The following RNF213 variants were observed in gnomAD, a reference collection of about 807,000 sequenced individuals.
The protein encoded by RNF213 is ring finger protein 213.
RNF213 carries 341 observed loss-of-function variants against 514.4 expected under a neutral mutation model. The observed-to-expected ratio is 0.66, with a 90% CI of 0.61 to 0.73. The LOEUF (loss-of-function observed/expected upper bound fraction) is 0.73, where lower values mean the gene tolerates loss of function less well. Ranked by LOEUF, RNF213 falls within the 30% of genes least tolerant of loss-of-function variation. The probability of loss-of-function intolerance (pLI) is 0.00; values close to 1 mark genes in which losing one functional copy is unlikely to be tolerated. For synonymous variants in RNF213, 2,655 were observed against 2,658.2 expected (o/e 1.00, Z 0.04); for missense variants, 5,767 against 6,615.6 (o/e 0.87, Z 4.45).
intron 3 of RNF213, among the ~76,000 whole-genome samples, chr17:80,283,300 G>A (rs1018658935): frequency 5.3e-5 from 8 of 152,154 alleles, no homozygotes; most frequent in African/African-American, 1.7e-4. Context: ...CTGAGGGGGT[G>A]AGCCTGGGGC....
At chr17:80,323,281 T>G (rs562113850) in intron 17 of RNF213, among the ~76,000 whole-genome samples, 46 of 152,362 alleles carry the variant, frequency 3.0e-4, no homozygotes, top group Non-Finnish European at 5.6e-4. Context: ...CTGTTTGGAC[T>G]ACCATTGCTT....
At position 80,298,537 on chromosome 17, in the gene RNF213, C is replaced by T; in HGVS notation, c.2210+19C>T. 5 of 1,613,886 alleles carry T rather than the reference C, an allele frequency of 3.1e-6. No homozygotes were observed. In the South Asian group the frequency reaches 3.3e-5, roughly 11 times the overall value. ...TAGATACGTAAGTCGTAGAGTTGTG[C>T]TTATCTACATGAATCTGGGAAGACT... On this transcript the variant is annotated intron_variant, in intron 11 of 67. Coordinates refer to ENST00000582970, the MANE Select transcript of RNF213 (RefSeq NM_001256071.3).
Position 80,286,544 on chromosome 17 carries a change from G to A in RNF213, c.262-1271G>A, listed in dbSNP as rs376899584. On this transcript the variant is annotated intron_variant, in intron 3 of 67. Transcript: ENST00000582970. ...GCCACACAGGGGCCGACCGTCAGCC[G>A]AGGGGCTCCTGAAGTGGCAGTGATG... 6.6e-5 allele frequency among the ~76,000 whole-genome samples: 10 copies of A among 152,224 alleles called. No homozygotes were observed. The East Asian group carries it at 1.5e-3, about 23-fold the overall frequency.
At chr17:80,341,461 C>T (rs1431445583) in intron 26 of RNF213, 1 of 152,274 alleles carries the variant, frequency 6.6e-6, no homozygotes, top group East Asian at 1.9e-4. Flanking sequence ...CTTCCCCTCC[C>T]TGCTGAAGCC....
rs763363712 is a variant in RNF213, at chr17:80,347,963, C to T, written c.9628C>T (p.His3210Tyr). 3.7e-6 allele frequency: 6 copies of T among 1,614,058 alleles called. No homozygotes were observed. In the South Asian group the frequency reaches 6.6e-5, roughly 18 times the overall value. ...NVKAHHFQKRHKYSPSDVFIG... is the reference protein window; with the variant it reads ...NVKAHHFQKRYKYSPSDVFIG... Reference sequence around the variant, plus strand: ...CAAAGCACATCATTTCCAGAAGAGGCACAAATACAGCCCCTCTGACGTCTT... The same window carrying T: ...CAAAGCACATCATTTCCAGAAGAGGTACAAATACAGCCCCTCTGACGTCTT... Residue 3210 changes from histidine to tyrosine, a missense_variant, in exon 29 of 68, where the codon CAC (histidine) becomes TAC (tyrosine). Transcript: ENST00000582970. The surrounding 1 kb of genome is among the most constrained non-coding windows in gnomAD (Gnocchi z 7.2).
rs1568090106 is a variant in RNF213, at chr17:80,337,855, A to G, written c.4691A>G (p.His1564Arg). ...CAGATTTCCCCAGACACGGTTCTGC[A>G]CTTGATCCTTCCTGAGAGCCCTGGC... Reference protein sequence around the residue: ...GQKISPDTVLHLILPESPGSH... With the variant: ...GQKISPDTVLRLILPESPGSH... Residue 1564 changes from histidine (H) to arginine (R), a missense_variant, in exon 25 of 68, where the codon CAC becomes CGC. Physicochemically the swap from His to Arg is conservative, Grantham distance 29. Around this residue, in one of 13 missense-constraint regions of RNF213, gnomAD observed 1,377 missense variants for 1,635.2 expected, o/e 0.84. Transcript: ENST00000582970. The G allele has an allele frequency of 3.3e-6, 5 of 1,537,274 alleles. No homozygotes were observed. The East Asian group carries it at 9.8e-5, about 30-fold the overall frequency.
intron 9 of RNF213, 24 bp from the exon 10 acceptor site, chr17:80,295,533 A>G: frequency 6.2e-7 from 1 of 1,613,868 alleles, no homozygotes; most frequent in Non-Finnish European, 8.5e-7. Context: ...TGGTTCATGC[A>G]TCTTCCTCTT....
In RNF213 at chr17:80,295,756, C is replaced by T. The variant is rs1247886823; in HGVS notation, c.1955C>T (p.Ala652Val). The change falls in exon 10 of 68, where the codon GCC (alanine) becomes GTC (valine). Residue 652 changes from alanine to valine, a missense_variant. Transcript: ENST00000582970. ...DWLCHLLTSD[A>V]SSPDEFHRDL... ...TTGTGTCACCTCCTAACCTCAGATG[C>T]CAGCTCACCAGATGAGTTTCACCGT... is the stretch of plus-strand genomic sequence containing the variant. 3 of 1,614,142 alleles carry T rather than the reference C, an allele frequency of 1.9e-6. No individual in the cohort carries two copies. The highest frequency in any genetic ancestry group is 2.2e-5 in the South Asian group (2 of 91,082).
At chr17:80,338,106 A>G in intron 25 of RNF213, 109 bp downstream of exon 25, 1 of 1,334,682 alleles carries the variant, frequency 7.5e-7, no homozygotes, top group Non-Finnish European at 1.0e-6. Flanking sequence ...TTGACTGATA[A>G]GAAGGGCTCT....
At chr17:80,289,544 C>A in intron 5 of RNF213, 115 bp from the exon 6 acceptor site, 1 of 1,120,940 alleles carries the variant, frequency 8.9e-7, no homozygotes, top group Non-Finnish European at 1.3e-6. Flanking sequence ...GAGCTGAGAT[C>A]GCAGTACTGC....
At chr17:80,352,334 C>T (rs765767649) in intron 32 of RNF213, 63 of 235,826 alleles carry the variant, frequency 2.7e-4, no homozygotes, top group Non-Finnish European at 4.2e-4. Flanking sequence ...TGCACCTCTC[C>T]TGGACTGACT....
intron 11 of RNF213, among the ~76,000 whole-genome samples, chr17:80,300,267 T>A (rs2045127557): frequency 6.6e-6 from 1 of 151,944 alleles, no homozygotes; most frequent in Non-Finnish European, 1.5e-5. Context: ...GGTATCTCAC[T>A]GTTTTTTTTT....
At chr17:80,293,861 G>A (rs550805945) in intron 8 of RNF213, among the ~76,000 whole-genome samples, 2 of 152,006 alleles carry the variant, frequency 1.3e-5, no homozygotes, top group South Asian at 4.1e-4. Context: ...GATTTGACCT[G>A]GAGGTCGGCA....
In RNF213 at chr17:80,298,328, C is replaced by G. The variant is rs1173241268; in HGVS notation, c.2020C>G (p.Leu674Val). 1 of 1,614,150 alleles carries G rather than the reference C, an allele frequency of 6.2e-7. No homozygotes were observed. The highest frequency in any genetic ancestry group is 8.5e-7 in the Non-Finnish European group (1 of 1,180,028). ...ATCTTTATTCCCTTCCAGCTGGCGG[C>G]TGTACCTGGTGAACCTGTGCCAAAG... Reference protein sequence around the residue: ...HILGIPQSWRLYLVNLCQRCM... With the variant: ...HILGIPQSWRVYLVNLCQRCM... The change falls in exon 11 of 68, where the codon CTG becomes GTG. Residue 674 changes from leucine (L) to valine (V), a missense_variant. This residue lies in a region of RNF213 where 592 missense variants were observed against 673.9 expected (regional missense o/e 0.88). Coordinates refer to ENST00000582970, the MANE Select transcript of RNF213 (RefSeq NM_001256071.3).
chr17:80,346,598 A>G lies in RNF213; in HGVS notation c.8263A>G (p.Met2755Val). The G allele has an allele frequency of 6.2e-7, 1 of 1,613,290 alleles. No individual in the cohort carries two copies. Among genetic ancestry groups the G allele is most frequent in the Non-Finnish European group, 8.5e-7 (1 of 1,180,028 alleles). ...NLALKENVFM[M>V]VVCIELKIPL... The stretch of plus-strand genomic sequence containing the variant: ...GGCCTTGAAGGAGAACGTCTTCATG[A>G]TGGTCGTCTGCATCGAGCTGAAGAT... The change falls in exon 29 of 68, where the codon ATG (methionine) becomes GTG (valine). Residue 2755 changes from methionine (M) to valine (V), a missense_variant. By Grantham distance (21) the Met-to-Val change is conservative. Coordinates refer to ENST00000582970, the MANE Select transcript of RNF213 (RefSeq NM_001256071.3). This position sits in a 1 kb window ranked among gnomAD's most constrained non-coding sequence, Gnocchi z 8.1.
chr17:80,267,195 T>C, intron 2 of RNF213, among the ~76,000 whole-genome samples: 1 of 134,518 alleles, frequency 7.4e-6, no homozygotes. Context: ...CCAGCCTGGG[T>C]GACAACAGCG....
intron 25 of RNF213, 67 bp from the exon 26 acceptor site, chr17:80,339,134 G>T (rs757766811): frequency 6.1e-5 from 81 of 1,335,060 alleles, no homozygotes; most frequent in Non-Finnish European, 7.2e-5. Flanking sequence ...CCTGTGTGCT[G>T]TTGCAGAGTA....
chr17:80,263,692 C>T lies in RNF213; in HGVS notation c.11C>T (p.Pro4Leu). 6.2e-7 allele frequency: 1 copy of T among 1,614,126 alleles called. No homozygotes were observed. Among genetic ancestry groups the T allele is most frequent in the Non-Finnish European group, 8.5e-7 (1 of 1,179,992 alleles). Reference sequence around the variant, plus strand: ...GTCCCAGCAGGACCCATGGAGTGTCCTTCGTGCCAGCATGTCTCCAAGGAG... The same window carrying T: ...GTCCCAGCAGGACCCATGGAGTGTCTTTCGTGCCAGCATGTCTCCAAGGAG... MEC[P>L]SCQHVSKEET... The change falls in exon 2 of 68, where the codon CCT becomes CTT. Residue 4 changes from proline (P) to leucine (L), a missense_variant. Pro to Leu is a moderately conservative substitution (Grantham distance 98, BLOSUM62 -3). This residue lies in a region of RNF213 where 509 missense variants were observed against 496.7 expected (regional missense o/e 1.02). Transcript: ENST00000582970. The surrounding 1 kb of genome is among the most constrained non-coding windows in gnomAD (Gnocchi z 4.9).
intron 36 of RNF213, among the ~76,000 whole-genome samples, chr17:80,356,923 G>GT (rs35344484): frequency 0.47 from 67,993 of 145,646 alleles, 16,864 homozygotes; most frequent in Non-Finnish European, 0.56. Context: ...ACCTTGTGGG[G>GT]TTTTTTTTTT....
Sources: gnomAD v4.1 joint callset for allele counts (sites outside exome capture counted in the v4.1 genomes callset) on GRCh38, gnomAD v4.1.1 for gene constraint, gnomAD v4.1.1 regional missense constraint, Gnocchi (gnomAD v3.1) non-coding constraint, MANE v1.5 for transcripts, NCBI Gene and HGNC (gene_info 2026-07-23, HGNC 2026-07-21) for gene names.